The following HUWE1 variants were observed in gnomAD, a reference collection of about 807,000 sequenced individuals.
HUWE1 encodes the protein E3 ubiquitin-protein ligase HUWE1.
A neutral mutation model predicts 299.4 loss-of-function variants in HUWE1; 18 were observed. That is an observed-to-expected ratio of 0.06 (90% confidence interval 0.04 to 0.09). The LOEUF (loss-of-function observed/expected upper bound fraction) is 0.09. Ranked by LOEUF, HUWE1 falls within the 10% of genes least tolerant of loss-of-function variation. The pLI is 1.00. For synonymous variants in HUWE1, 1,317 were observed against 1,286.1 expected, an observed-to-expected ratio of 1.02 and a Z score of -0.51; for missense variants, 1,832 against 3,462.3, an observed-to-expected ratio of 0.53 and a Z score of 11.82.
chrX:53,604,464 T>C, intron 26 of HUWE1, 125 bp downstream of exon 26: 1 of 759,184 alleles, frequency 1.3e-6, no homozygotes, highest in Non-Finnish European at 2.0e-6. Context: ...CATCCTAAAT[T>C]GGACTGTTCT....
intron 42 of HUWE1, among the ~76,000 whole-genome samples, chrX:53,581,338 AT>A (rs1273705876): frequency 8.9e-6 from 1 of 112,347 alleles, no homozygotes; most frequent in African/African-American, 3.2e-5. Flanking sequence ...TGCTGTCACA[AT>A]TTTAAACCAG....
At chrX:53,565,758 A>G (rs1293612786) in intron 49 of HUWE1, among the ~76,000 whole-genome samples, 2 of 109,974 alleles carry the variant, frequency 1.8e-5, no homozygotes, top group African/African-American at 6.6e-5. Context: ...CAGGTTTCCA[A>G]GTCGCTGGGA....
chrX:53,626,979 TAA>T (rs1259589876), intron 17 of HUWE1, among the ~76,000 whole-genome samples: 1 of 111,253 alleles, frequency 9.0e-6, no homozygotes, highest in African/African-American at 3.3e-5. Context: ...TCAAAATAGG[TAA>T]AGTTTTAAAA....
At chrX:53,535,920 G>A in intron 80 of HUWE1, 1 of 330,445 alleles carries the variant, frequency 3.0e-6, no homozygotes. Context: ...TTATGTACTG[G>A]AGTTTTTTTT....
intron 3 of HUWE1, among the ~76,000 whole-genome samples, chrX:53,666,895 T>C (rs782391561): frequency 8.9e-6 from 1 of 111,863 alleles, no homozygotes; most frequent in East Asian, 2.8e-4. Context: ...ATCCAGTAAA[T>C]GCTTAACAAA....
chrX:53,555,446 C>A (rs2061958241), intron 60 of HUWE1, among the ~76,000 whole-genome samples: 1 of 109,337 alleles, frequency 9.1e-6, no homozygotes, highest in African/African-American at 3.3e-5. Context: ...CCACCTCAGC[C>A]TCCCAAGTAG....
At chrX:53,549,588 G>C in intron 66 of HUWE1, 83 bp from the exon 67 acceptor site, 1 of 833,530 alleles carries the variant, frequency 1.2e-6, no homozygotes. Context: ...AGGGGAATGA[G>C]CTAGGTATCT....
chrX:53,555,270 TA>T (rs2061947481), intron 60 of HUWE1, among the ~76,000 whole-genome samples: 1 of 112,006 alleles, frequency 8.9e-6, no homozygotes, highest in Non-Finnish European at 1.9e-5. Flanking sequence ...ACCAAAATCC[TA>T]TTGATCCTCC....
At chrX:53,628,002 T>A in intron 15 of HUWE1, 123 bp from the exon 16 acceptor site, 1 of 614,579 alleles carries the variant, frequency 1.6e-6, no homozygotes, top group Non-Finnish European at 2.6e-6. Flanking sequence ...GGGGAAAACA[T>A]GTGTTTTATT....
chrX:53,614,414 T>G (rs1480556360), intron 23 of HUWE1, 120 bp downstream of exon 23: 9 of 592,344 alleles, frequency 1.5e-5, no homozygotes, highest in Non-Finnish European at 2.6e-5. Flanking sequence ...CGGTTAGAAC[T>G]TTAAAATGAT....
At chrX:53,645,494 G>T (rs2067913461) in intron 6 of HUWE1, 31 bp from the exon 7 acceptor site, 2 of 1,199,076 alleles carry the variant, frequency 1.7e-6, no homozygotes, top group Admixed American at 2.2e-5. Context: ...AAAGCTCAAG[G>T]TATCAGGCAC....
intron 43 of HUWE1, among the ~76,000 whole-genome samples, chrX:53,577,829 T>C (rs782815613): frequency 5.9e-4 from 68 of 114,450 alleles, no homozygotes; most frequent in African/African-American, 2.1e-3. Flanking sequence ...CAGTGCTCAA[T>C]GGTGCCCAGG....
chrX:53,563,961 C>T (rs992684644), intron 51 of HUWE1, 140 bp from the exon 52 acceptor site: 9 of 684,182 alleles, frequency 1.3e-5, no homozygotes, highest in African/African-American at 6.4e-5. Flanking sequence ...ACCACACATT[C>T]GGTGCTAATT....
chrX:53,537,416 A>T (rs1556913991), intron 78 of HUWE1, 140 bp downstream of exon 78: 2 of 667,188 alleles, frequency 3.0e-6, no homozygotes, highest in Admixed American at 5.3e-5. Flanking sequence ...CAGTAAGATT[A>T]TCTAAAACCA....
intron 68 of HUWE1, among the ~76,000 whole-genome samples, chrX:53,547,453 G>C (rs1556923875): frequency 9.0e-6 from 1 of 111,619 alleles, no homozygotes; most frequent in African/African-American, 3.3e-5. Flanking sequence ...GAGAGGCAGG[G>C]GAGAGAGAGA....
At chrX:53,612,852 G>C (rs1180912768) in intron 23 of HUWE1, among the ~76,000 whole-genome samples, 1 of 111,817 alleles carries the variant, frequency 8.9e-6, no homozygotes, top group Non-Finnish European at 1.9e-5. Context: ...GGAAAGGAGG[G>C]TAAGCAAATG....
intron 28 of HUWE1, among the ~76,000 whole-genome samples, chrX:53,601,138 G>A (rs782238007): frequency 3.6e-5 from 4 of 110,303 alleles, no homozygotes; most frequent in Non-Finnish European, 7.6e-5. Context: ...TAGTTCCTTA[G>A]AAATTTCCCT....
chrX:53,579,352 C>T (rs1365989168), intron 43 of HUWE1, among the ~76,000 whole-genome samples: 6 of 106,655 alleles, frequency 5.6e-5, no homozygotes, highest in African/African-American at 1.7e-4. Context: ...CCCGGCCAGC[C>T]GCCCCATCCG....
chrX:53,563,752 T>C lies in HUWE1; in HGVS notation c.7099A>G (p.Ile2367Val), dbSNP rs1556943274. Residue 2367 changes from isoleucine (I) to valine (V), a missense_variant, in exon 52 of 84, where the codon ATT (isoleucine) becomes GTT (valine). Ile to Val is a conservative substitution (Grantham distance 29, BLOSUM62 3). Coordinates refer to ENST00000262854, the MANE Select transcript of HUWE1 (RefSeq NM_031407.7). Reference protein sequence around the residue: ...ERDGGSGNSTIIVSRSGEDES... With the variant: ...ERDGGSGNSTVIVSRSGEDES... Reference sequence around the variant, plus strand: ...TCAGTTCTGGGGCTCTCACCTATAATTGTACTGTTCCCAGATCCGCCATCC... The same window carrying C: ...TCAGTTCTGGGGCTCTCACCTATAACTGTACTGTTCCCAGATCCGCCATCC... 1.7e-6 allele frequency: 2 copies of C among 1,210,887 alleles called. No individual in the cohort carries two copies. Among genetic ancestry groups the C allele is most frequent in the East Asian group, 3.0e-5 (1 of 33,823 alleles).
Sources: gnomAD v4.1 joint callset for allele counts (sites outside exome capture counted in the v4.1 genomes callset) on GRCh38, gnomAD v4.1.1 for gene constraint, MANE v1.5 for transcripts, NCBI Gene and HGNC (gene_info 2026-07-23, HGNC 2026-07-21) for gene names.